The following PIRT variants were observed in gnomAD, a reference collection of about 807,000 sequenced individuals.
The protein encoded by PIRT is phosphoinositide-interacting protein.
PIRT carries 6 observed loss-of-function variants against 7.9 expected under a neutral mutation model. That is an observed-to-expected ratio of 0.76 (90% CI 0.42 to 1.51). The LOEUF (loss-of-function observed/expected upper bound fraction) is 1.51, where lower values mean the gene tolerates loss of function less well. Among genes scored for constraint, PIRT ranks in the 40% most tolerant of loss-of-function variants. The pLI, the probability that PIRT is intolerant of heterozygous loss-of-function variation, is 0.01. For missense variants in PIRT, 170 were observed against 172.9 expected (o/e 0.98, Z 0.09); for synonymous variants, 78 against 71.8 (o/e 1.09, Z -0.44).
In PIRT at chr17:10,825,412, G is replaced by C. The variant is rs781285345; in HGVS notation, c.234C>G (p.Thr78=). The C allele has an allele frequency of 2.5e-6, 4 of 1,613,976 alleles. No individual in the cohort carries two copies. The highest frequency in any genetic ancestry group is 3.4e-6 in the Non-Finnish European group (4 of 1,179,888). Residue 78 remains threonine, a synonymous_variant, in exon 2 of 2, where the codon ACC becomes ACG. Transcript: ENST00000580256. ...FGVVITCLAY[T]LKLSDKSLSI... ...AGAGACTCTTGTCACTCAGCTTCAA[G>C]GTGTAGGCCAAGCAGGTGATGACCA...
At chr17:10,834,252 T>C (rs993813408) in intron 1 of PIRT, among the ~76,000 whole-genome samples, 2 of 152,082 alleles carry the variant, frequency 1.3e-5, no homozygotes, top group Admixed American at 1.3e-4. Context: ...TAAATGGTTG[T>C]ATAATCACAC....
Position 10,825,167 on chromosome 17 carries a change from G to T in PIRT, c.*65C>A. On this transcript the variant is annotated 3_prime_UTR_variant, in exon 2 of 2. Coordinates refer to ENST00000580256, the MANE Select transcript of PIRT (RefSeq NM_001101387.2). ...TATGGCACCCCACAGAGGAGACAGG[G>T]ATGTCGGATGTTGGTCATCAGATCT... 1.3e-6 allele frequency: 2 copies of T among 1,554,344 alleles called. No homozygotes were observed. Among genetic ancestry groups the T allele is most frequent in the African/African-American group, 1.4e-5 (1 of 73,916 alleles).
At position 10,824,198 on chromosome 17, in the gene PIRT, A is replaced by G. The variant is rs1383660941; in HGVS notation, c.*1034T>C. ...CAGGGACCGTGTCTTGCCCCCAGCC[A>G]GGGCTTATCCCAGAATGCGACACTT... On this transcript the variant is annotated 3_prime_UTR_variant, in exon 2 of 2. Coordinates refer to ENST00000580256, the MANE Select transcript of PIRT (RefSeq NM_001101387.2). The G allele has an allele frequency of 6.6e-6, 1 of 152,210 alleles. No homozygotes were observed. Among genetic ancestry groups the G allele is most frequent in the East Asian group, 1.9e-4 (1 of 5,182 alleles). 9.4% of individuals were successfully genotyped at this position (152,210 alleles called of 1,614,324 possible). A position where few individuals can be genotyped will look rare whatever the true frequency, so the allele number is the denominator to read the frequency against.
In PIRT at chr17:10,824,963, A is replaced by G. The variant is rs1905276702; in HGVS notation, c.*269T>C. ...AGAGAGTTGGATGAATGATGCCTGG[A>G]TGCAGGGGCAGGGGGTTAGAGTGAC... On this transcript the variant is annotated 3_prime_UTR_variant, in exon 2 of 2. Transcript: ENST00000580256. 2 of 468,886 alleles carry G rather than the reference A, an allele frequency of 4.3e-6. No homozygotes were observed. The highest frequency in any genetic ancestry group is 7.1e-5 in the South Asian group (2 of 28,050). The allele number at this position is 468,886 out of a possible 1,614,324, so 29.0% of individuals were successfully genotyped here.
rs1905277288 is a variant in PIRT, at chr17:10,824,985, T to A, written c.*247A>T. 1.8e-6 allele frequency: 1 copy of A among 547,412 alleles called. No homozygotes were observed. Among genetic ancestry groups the A allele is most frequent in the African/African-American group, 1.9e-5 (1 of 52,898 alleles). 33.9% of individuals were successfully genotyped at this position (547,412 alleles called of 1,614,324 possible). The stretch of plus-strand genomic sequence containing the variant: ...TGGATGCAGGGGCAGGGGGTTAGAG[T>A]GACCAAAGGGAAGGCCACAGCCGGG... On this transcript the variant is annotated 3_prime_UTR_variant, in exon 2 of 2. Coordinates refer to ENST00000580256, the MANE Select transcript of PIRT (RefSeq NM_001101387.2).
intron 1 of PIRT, among the ~76,000 whole-genome samples, chr17:10,834,059 C>T (rs1470545596): frequency 6.6e-6 from 1 of 152,112 alleles, no homozygotes; most frequent in Non-Finnish European, 1.5e-5. Flanking sequence ...TATACATCTA[C>T]CCTTTGACCC....
intron 1 of PIRT, among the ~76,000 whole-genome samples, chr17:10,827,319 G>C (rs1227968076): frequency 1.3e-5 from 2 of 152,216 alleles, no homozygotes; most frequent in East Asian, 3.9e-4. Flanking sequence ...CTCAGGGGAG[G>C]TAGATGGTCA....
intron 1 of PIRT, among the ~76,000 whole-genome samples, chr17:10,830,451 C>T (rs942294693): frequency 6.6e-6 from 1 of 152,108 alleles, no homozygotes; most frequent in Non-Finnish European, 1.5e-5. Flanking sequence ...TACTTCAGCC[C>T]CTGAGCCTTA....
chr17:10,829,735 A>T (rs902078510), intron 1 of PIRT, among the ~76,000 whole-genome samples: 13 of 152,130 alleles, frequency 8.5e-5, no homozygotes, highest in African/African-American at 2.4e-4. Context: ...CCTAACATTG[A>T]CCCACTACGT....
intron 1 of PIRT, among the ~76,000 whole-genome samples, chr17:10,831,289 T>C (rs1404393351): frequency 6.6e-6 from 1 of 152,032 alleles, no homozygotes; most frequent in Non-Finnish European, 1.5e-5. Context: ...CTGTAGGGAG[T>C]TGAATTGTGG....
chr17:10,836,767 G>A (rs935453276), intron 1 of PIRT, among the ~76,000 whole-genome samples: 1 of 152,190 alleles, frequency 6.6e-6, no homozygotes, highest in South Asian at 2.1e-4. Context: ...TGGGCCCAGC[G>A]AGGGGAGTCT....
At chr17:10,827,467 T>TC (rs1567615922) in intron 1 of PIRT, among the ~76,000 whole-genome samples, 1 of 75,474 alleles carries the variant, frequency 1.3e-5, no homozygotes, top group Non-Finnish European at 2.7e-5. Flanking sequence ...TTTCTTTTCT[T>TC]TTTTTTTTTT....
intron 1 of PIRT, among the ~76,000 whole-genome samples, chr17:10,828,907 A>G (rs1905397570): frequency 6.6e-6 from 1 of 152,354 alleles, no homozygotes; most frequent in African/African-American, 2.4e-5. Context: ...GTAATGTTAC[A>G]GTTTGGATCT....
chr17:10,828,773 G>T (rs1273829598), intron 1 of PIRT, among the ~76,000 whole-genome samples: 2 of 152,272 alleles, frequency 1.3e-5, no homozygotes, highest in African/African-American at 4.8e-5. Flanking sequence ...GAACTTTTCT[G>T]AACTAGTGTC....
intron 1 of PIRT, among the ~76,000 whole-genome samples, chr17:10,833,368 T>C (rs1905508405): frequency 6.6e-6 from 1 of 152,064 alleles, no homozygotes; most frequent in African/African-American, 2.4e-5. Context: ...AAAATAGATA[T>C]CATCAAAATT....
chr17:10,833,623 G>A (rs1828785562), intron 1 of PIRT, among the ~76,000 whole-genome samples: 1 of 152,038 alleles, frequency 6.6e-6, no homozygotes, highest in Admixed American at 6.6e-5. Context: ...GTGTGGTGGT[G>A]CACGCCTATA....
chr17:10,832,473 G>A (rs575628038), intron 1 of PIRT, among the ~76,000 whole-genome samples: 2 of 152,126 alleles, frequency 1.3e-5, no homozygotes, highest in Non-Finnish European at 2.9e-5. Context: ...GATTACAGGC[G>A]TGAGCCACCA....
In PIRT at chr17:10,823,662, C is replaced by G. The variant is rs1411057314; in HGVS notation, c.*1570G>C. On this transcript the variant is annotated 3_prime_UTR_variant, in exon 2 of 2. Transcript: ENST00000580256. ...GGCCTAGGGCAGCGTGGCTGGCTCC[C>G]TCACAGGTACTGCTTCTGTTCTTTC... The G allele has an allele frequency of 6.6e-6, 1 of 152,240 alleles. No homozygotes were observed. Among genetic ancestry groups the G allele is most frequent in the Non-Finnish European group, 1.5e-5 (1 of 68,078 alleles). 9.4% of individuals were successfully genotyped at this position (152,240 alleles called of 1,614,324 possible).
At chr17:10,835,123 G>T (rs1905555899) in intron 1 of PIRT, among the ~76,000 whole-genome samples, 1 of 152,152 alleles carries the variant, frequency 6.6e-6, no homozygotes, top group Non-Finnish European at 1.5e-5. Flanking sequence ...TGGCCTAAGT[G>T]ACCGCTCACC....
Sources: gnomAD v4.1 joint callset for allele counts (sites outside exome capture counted in the v4.1 genomes callset) on GRCh38, gnomAD v4.1.1 for gene constraint, MANE v1.5 for transcripts, NCBI Gene and HGNC (gene_info 2026-07-23, HGNC 2026-07-21) for gene names.